The following SPIDR variants were observed in gnomAD, a reference collection of about 807,000 sequenced individuals.
SPIDR encodes the protein scaffold protein involved in DNA repair.
In SPIDR, 93 loss-of-function variants were observed where a neutral mutation model predicts 104.6. That is an observed-to-expected ratio of 0.89 (90% CI 0.75 to 1.06). The LOEUF (loss-of-function observed/expected upper bound fraction) is 1.06. Ranked by LOEUF, SPIDR falls within the 50% of genes least tolerant of loss-of-function variation. SPIDR has a pLI of 0.00. For missense variants in SPIDR, 1,154 were observed against 1,111.2 expected, an observed-to-expected ratio of 1.04 and a Z score of -0.55; for synonymous variants, 431 against 416.9, an observed-to-expected ratio of 1.03 and a Z score of -0.41.
At chr8:47,697,493 C>T (rs181675791) in intron 11 of SPIDR, among the ~76,000 whole-genome samples, 1 of 152,258 alleles carries the variant, frequency 6.6e-6, no homozygotes, top group African/African-American at 2.4e-5. Context: ...AAAAACATAG[C>T]ACTGAAAGTC....
chr8:47,571,640 G>A (rs751191679), intron 8 of SPIDR, among the ~76,000 whole-genome samples: 4 of 152,048 alleles, frequency 2.6e-5, no homozygotes, highest in East Asian at 1.9e-4. Flanking sequence ...TACTAGTGCC[G>A]CCTTATTCAA....
intron 5 of SPIDR, among the ~76,000 whole-genome samples, chr8:47,317,410 C>T (rs1262554957): frequency 2.6e-5 from 4 of 152,040 alleles, no homozygotes; most frequent in African/African-American, 7.2e-5. Context: ...GGGGGAGGGG[C>T]GCCCACCATT....
intron 8 of SPIDR, among the ~76,000 whole-genome samples, chr8:47,548,650 A>G (rs1268262044): frequency 6.6e-6 from 1 of 152,284 alleles, no homozygotes; most frequent in African/African-American, 2.4e-5. Context: ...TTCATCTCAA[A>G]AAACAGAACA....
At chr8:47,457,227 T>C (rs2073139188) in intron 8 of SPIDR, among the ~76,000 whole-genome samples, 1 of 152,170 alleles carries the variant, frequency 6.6e-6, no homozygotes, top group Admixed American at 6.5e-5. Flanking sequence ...TCACCAGCAG[T>C]GTATTAGTGT....
intron 7 of SPIDR, among the ~76,000 whole-genome samples, chr8:47,422,948 A>C (rs1449707422): frequency 6.6e-6 from 1 of 152,134 alleles, no homozygotes; most frequent in Non-Finnish European, 1.5e-5. Flanking sequence ...ACATTTCAGT[A>C]TAAAAGACAT....
chr8:47,540,446 A>G (rs2087871194), intron 8 of SPIDR, among the ~76,000 whole-genome samples: 1 of 152,240 alleles, frequency 6.6e-6, no homozygotes, highest in Admixed American at 6.5e-5. Flanking sequence ...TACCAGGAAA[A>G]GCATTCAAAA....
rs539169698 is a variant in SPIDR, at chr8:47,689,410, G to A, written c.1686-10993G>A. On this transcript the variant is annotated intron_variant, in intron 11 of 19. Transcript: ENST00000297423. ...TAAAAGTCAAGAGCTACCGTTTATC[G>A]CAGGCCAATTAGGTCCGTTTTGTGT... is the stretch of plus-strand genomic sequence containing the variant. 3.0e-3 allele frequency among the ~76,000 whole-genome samples: 454 copies of A among 152,282 alleles called. 3 individuals are homozygous for A. The highest frequency in any genetic ancestry group is 0.011 in the African/African-American group (444 of 41,560).
At chr8:47,639,053 C>G (rs890126121) in intron 10 of SPIDR, among the ~76,000 whole-genome samples, 6 of 152,336 alleles carry the variant, frequency 3.9e-5, no homozygotes, top group Middle Eastern at 3.4e-3. Flanking sequence ...TAGATAGGAA[C>G]TAGGTATTTT....
chr8:47,690,741 C>T (rs2078522990), intron 11 of SPIDR, among the ~76,000 whole-genome samples: 1 of 152,138 alleles, frequency 6.6e-6, no homozygotes, highest in African/African-American at 2.4e-5. Flanking sequence ...ATCACTTGAA[C>T]CCAGGAGGCG....
intron 5 of SPIDR, among the ~76,000 whole-genome samples, chr8:47,346,806 A>T (rs1219934152): frequency 1.3e-5 from 2 of 152,014 alleles, no homozygotes; most frequent in Admixed American, 6.6e-5. Context: ...TGGTGGTGAT[A>T]TCCCCTTTAT....
intron 5 of SPIDR, among the ~76,000 whole-genome samples, chr8:47,328,005 T>G (rs1294264849): frequency 1.3e-5 from 2 of 151,776 alleles, no homozygotes; most frequent in Admixed American, 6.6e-5. Context: ...GCCGTGTTTT[T>G]TTTTTGGTTT....
At chr8:47,395,714 A>G (rs1256729700) in intron 5 of SPIDR, among the ~76,000 whole-genome samples, 3 of 152,098 alleles carry the variant, frequency 2.0e-5, no homozygotes, top group Non-Finnish European at 4.4e-5. Context: ...TTGTTTTATA[A>G]TTATACAGTT....
chr8:47,442,461 C>G (rs1206342651), intron 8 of SPIDR, among the ~76,000 whole-genome samples: 1 of 152,204 alleles, frequency 6.6e-6, no homozygotes, highest in Admixed American at 6.5e-5. Flanking sequence ...AGGTTAATCT[C>G]TGCATTCACG....
intron 10 of SPIDR, among the ~76,000 whole-genome samples, chr8:47,671,102 G>A (rs1230593192): frequency 6.6e-6 from 1 of 152,012 alleles, no homozygotes; most frequent in Non-Finnish European, 1.5e-5. Flanking sequence ...TAGAGACAGG[G>A]TCTCACTTTG....
At chr8:47,656,757 G>C (rs2154460066) in intron 10 of SPIDR, among the ~76,000 whole-genome samples, 1 of 152,244 alleles carries the variant, frequency 6.6e-6, no homozygotes, top group East Asian at 1.9e-4. Flanking sequence ...CAAAACAACT[G>C]CAATATCTGT....
chr8:47,708,695 C>T (rs930131266), intron 14 of SPIDR, among the ~76,000 whole-genome samples: 1 of 152,200 alleles, frequency 6.6e-6, no homozygotes, highest in Non-Finnish European at 1.5e-5. Context: ...CCACAAATCC[C>T]TGGCAAACAT....
At chr8:47,543,864 A>G (rs1033343728) in intron 8 of SPIDR, among the ~76,000 whole-genome samples, 1 of 152,172 alleles carries the variant, frequency 6.6e-6, no homozygotes, top group African/African-American at 2.4e-5. Flanking sequence ...CAAAACTTCA[A>G]AGAGGGAGAG....
At chr8:47,298,899 C>T (rs2041453504) in intron 5 of SPIDR, among the ~76,000 whole-genome samples, 1 of 152,166 alleles carries the variant, frequency 6.6e-6, no homozygotes, top group African/African-American at 2.4e-5. Flanking sequence ...ATGCCTCCAG[C>T]TTTGTTCTTA....
At chr8:47,726,822 G>C (rs999216992) in intron 16 of SPIDR, among the ~76,000 whole-genome samples, 2 of 152,030 alleles carry the variant, frequency 1.3e-5, no homozygotes, top group African/African-American at 2.4e-5. Flanking sequence ...ACTCATTACT[G>C]TGTTAAGGAG....
Sources: gnomAD v4.1 joint callset for allele counts (sites outside exome capture counted in the v4.1 genomes callset) on GRCh38, gnomAD v4.1.1 for gene constraint, MANE v1.5 for transcripts, NCBI Gene and HGNC (gene_info 2026-07-23, HGNC 2026-07-21) for gene names.